Variants in CFAP58 observed in about 807,000 individuals in gnomAD.
CFAP58 encodes the protein cilia- and flagella-associated protein 58.
A neutral mutation model predicts 119.5 loss-of-function variants in CFAP58; 88 were observed. That is an observed-to-expected ratio of 0.74 (90% CI 0.62 to 0.88). The LOEUF (loss-of-function observed/expected upper bound fraction) is 0.88, where lower values mean the gene tolerates loss of function less well. CFAP58 is among the 40% of genes least tolerant of loss of function. CFAP58 has a pLI of 0.00. For missense variants in CFAP58, 990 were observed against 1,021.2 expected (o/e 0.97, Z 0.42); for synonymous variants, 365 against 366.3 (o/e 1.00, Z 0.04).
intron 5 of CFAP58, 116 bp downstream of exon 5, chr10:104,366,124 G>A (rs73335153): frequency 1.5e-5 from 14 of 925,134 alleles, no homozygotes; most frequent in Non-Finnish European, 2.1e-5. Context: ...TTCACTACTC[G>A]TGCTGATGAT....
At chr10:104,381,309 G>A (rs1202264100) in intron 9 of CFAP58, among the ~76,000 whole-genome samples, 1 of 152,182 alleles carries the variant, frequency 6.6e-6, no homozygotes, top group African/African-American at 2.4e-5. Context: ...TGGAGATTTG[G>A]ATTTCATTTT....
intron 15 of CFAP58, among the ~76,000 whole-genome samples, chr10:104,429,296 T>C (rs183934257): frequency 3.3e-5 from 5 of 151,374 alleles, no homozygotes; most frequent in African/African-American, 4.9e-5. Flanking sequence ...GGAGTGGGAG[T>C]GTTGAGTAGG....
At chr10:104,425,761 C>T (rs975220057) in intron 15 of CFAP58, among the ~76,000 whole-genome samples, 1 of 152,094 alleles carries the variant, frequency 6.6e-6, no homozygotes, top group Admixed American at 6.5e-5. Context: ...CTACATTCTG[C>T]AGGACATTAG....
chr10:104,452,838 T>C (rs138632091), intron 17 of CFAP58, among the ~76,000 whole-genome samples: 3 of 152,294 alleles, frequency 2.0e-5, no homozygotes, highest in African/African-American at 7.2e-5. Flanking sequence ...TTATTACTAG[T>C]AGCCACTCTG....
chr10:104,452,515 C>G (rs2013212508), intron 17 of CFAP58, among the ~76,000 whole-genome samples: 1 of 152,202 alleles, frequency 6.6e-6, no homozygotes, highest in Non-Finnish European at 1.5e-5. Flanking sequence ...GACTGCTAAT[C>G]TTGCTCCCTC....
chr10:104,412,882 A>T (rs1306929859), intron 15 of CFAP58, among the ~76,000 whole-genome samples: 1 of 152,142 alleles, frequency 6.6e-6, no homozygotes, highest in Admixed American at 6.5e-5. Flanking sequence ...CCTACCCTTT[A>T]GGTCTTAGCT....
At chr10:104,346,893 C>T in the CFAP58 span, among the ~76,000 whole-genome samples, 1 of 151,958 alleles carries the variant, frequency 6.6e-6, no homozygotes, top group Non-Finnish European at 1.5e-5. Context: ...GCCTCAGCCT[C>T]CCAAAGTGCT....
upstream of CFAP58, among the ~76,000 whole-genome samples, chr10:104,352,461 A>G (rs2014471421): frequency 6.6e-6 from 1 of 152,140 alleles, no homozygotes; most frequent in Non-Finnish European, 1.5e-5. Context: ...GCGTACAGAG[A>G]TTTTGTGAGA....
At chr10:104,397,789 A>G (rs2012191037) in intron 11 of CFAP58, among the ~76,000 whole-genome samples, 1 of 152,126 alleles carries the variant, frequency 6.6e-6, no homozygotes, top group South Asian at 2.1e-4. Context: ...CTGGTCTGTG[A>G]TATCCATCAT....
At chr10:104,444,562 T>C (rs1201761227) in intron 15 of CFAP58, among the ~76,000 whole-genome samples, 2 of 152,230 alleles carry the variant, frequency 1.3e-5, no homozygotes, top group Non-Finnish European at 1.5e-5. Context: ...TGGAAGACAA[T>C]GTACTGAAGA....
rs781410571 is a variant in CFAP58, at chr10:104,393,356, T to C, written c.1555T>C (p.Leu519=). ...QDEITDMKRK[L]KIMIHQVDEL... ...TGAAATAACAGATATGAAGAGAAAG[T>C]TAAAGATTATGATCCATCAGGTAGA... The change falls in exon 11 of 18, where the codon TTA becomes CTA. Residue 519 remains leucine (L), a synonymous_variant. Transcript: ENST00000369704. 3 of 1,613,724 alleles carry C rather than the reference T, an allele frequency of 1.9e-6. No individual in the cohort carries two copies. Among genetic ancestry groups the C allele is most frequent in the Non-Finnish European group, 2.5e-6 (3 of 1,179,808 alleles).
intron 15 of CFAP58, among the ~76,000 whole-genome samples, chr10:104,438,666 C>T (rs999139300): frequency 2.0e-4 from 31 of 152,114 alleles, no homozygotes; most frequent in Admixed American, 6.5e-4. Context: ...TGAGCCACCG[C>T]GCCCGGCCCA....
intron 3 of CFAP58, among the ~76,000 whole-genome samples, chr10:104,364,427 A>C (rs931770983): frequency 1.8e-4 from 25 of 142,244 alleles, no homozygotes; most frequent in African/African-American, 6.3e-4. Context: ...ATGTCTGTAA[A>C]ACACACACAC....
At chr10:104,448,113 T>C (rs1040343661) in intron 16 of CFAP58, among the ~76,000 whole-genome samples, 1 of 152,212 alleles carries the variant, frequency 6.6e-6, no homozygotes, top group Non-Finnish European at 1.5e-5. Context: ...ATGAATGATC[T>C]TGAGATGATT....
At chr10:104,415,734 T>C (rs1285939920) in intron 15 of CFAP58, among the ~76,000 whole-genome samples, 1 of 152,168 alleles carries the variant, frequency 6.6e-6, no homozygotes, top group Non-Finnish European at 1.5e-5. Context: ...ACTCACTCAG[T>C]GATTCACCTA....
chr10:104,339,404 A>G, the CFAP58 span, among the ~76,000 whole-genome samples: 75 of 152,324 alleles, frequency 4.9e-4, no homozygotes, highest in African/African-American at 1.3e-3. Flanking sequence ...TATGAAATCC[A>G]TAACTTCTAT....
At chr10:104,447,075 G>A (rs1035953503) in intron 15 of CFAP58, among the ~76,000 whole-genome samples, 2 of 151,110 alleles carry the variant, frequency 1.3e-5, no homozygotes, top group African/African-American at 4.9e-5. Flanking sequence ...TTGCTCCCTC[G>A]ATCTCCTGGG....
chr10:104,433,874 T>G (rs1288433223), intron 15 of CFAP58, among the ~76,000 whole-genome samples: 1 of 152,240 alleles, frequency 6.6e-6, no homozygotes, highest in Admixed American at 6.5e-5. Context: ...ATCCTTTCCT[T>G]ATGCAGCTGT....
At position 104,392,473 on chromosome 10, in the gene CFAP58, A is replaced by G. The variant is rs113213271; in HGVS notation, c.1527+79A>G. ...AAACAGTTTCTGTTATCCTAATGGC[A>G]GAATTTAGAATAGATTAAAAAAAAA... On this transcript the variant is annotated intron_variant, in intron 10 of 17. Transcript: ENST00000369704. 8.7e-3 allele frequency: 8,477 copies of G among 978,890 alleles called. 45 individuals are homozygous for G. Among genetic ancestry groups the G allele is most frequent in the Middle Eastern group, 0.014 (42 of 2,968 alleles). The allele number at this position is 978,890 out of a possible 1,614,324, so 60.6% of individuals were successfully genotyped here. A position where few individuals can be genotyped will look rare whatever the true frequency, so the allele number is the denominator to read the frequency against.
Sources: gnomAD v4.1 joint callset for allele counts (sites outside exome capture counted in the v4.1 genomes callset) on GRCh38, gnomAD v4.1.1 for gene constraint, MANE v1.5 for transcripts, NCBI Gene and HGNC (gene_info 2026-07-23, HGNC 2026-07-21) for gene names.